The following EPHA6 variants were observed in gnomAD, a reference collection of about 807,000 sequenced individuals.
EPHA6 encodes the protein EPH receptor A6, also known as ephrin type-A receptor 6.
Under a neutral mutation model 112.0 loss-of-function variants are expected in EPHA6, and 50 were observed. The observed-to-expected ratio is 0.45, with a 90% CI of 0.36 to 0.56. EPHA6 has a LOEUF of 0.56. Ranked by LOEUF, EPHA6 falls within the 20% of genes least tolerant of loss-of-function variation. The pLI is 0.00. For missense variants in EPHA6, 1,280 were observed against 1,417.4 expected, an observed-to-expected ratio of 0.90 and a Z score of 1.56; for synonymous variants, 529 against 490.7, an observed-to-expected ratio of 1.08 and a Z score of -1.03.
intron 11 of EPHA6, among the ~76,000 whole-genome samples, chr3:97,591,990 T>TA (rs1414593653): frequency 5.9e-5 from 9 of 152,242 alleles, no homozygotes; most frequent in African/African-American, 2.2e-4. Flanking sequence ...CCAAGCCACT[T>TA]ACTTTTTCTT....
intron 3 of EPHA6, among the ~76,000 whole-genome samples, chr3:97,191,377 T>C (rs1371060133): frequency 6.6e-6 from 1 of 152,060 alleles, no homozygotes; most frequent in Non-Finnish European, 1.5e-5. Context: ...TTATTGACCA[T>C]AATGACCCTG....
intron 3 of EPHA6, among the ~76,000 whole-genome samples, chr3:97,097,411 T>C (rs1298353983): frequency 6.6e-6 from 1 of 151,788 alleles, no homozygotes; most frequent in African/African-American, 2.4e-5. Flanking sequence ...ATATACTACC[T>C]TGTAAACAAA....
rs369190751 is a variant in EPHA6 at position 97,137,963 on chromosome 3, A to G, written c.1115-88301A>G. ...CCCTCTTCCACAGAAAGGAACCAAA[A>G]TATCACATAAATCTACACAATCAAA... On this transcript the variant is annotated intron_variant, in intron 3 of 17. Transcript: ENST00000389672. Among the ~76,000 whole-genome samples the G allele has an allele frequency of 5.9e-4, 90 of 152,168 alleles. 1 individual carries two copies. In the South Asian group the frequency reaches 0.018, roughly 31 times the overall value.
At chr3:97,170,517 A>T (rs2076669291) in intron 3 of EPHA6, among the ~76,000 whole-genome samples, 1 of 152,216 alleles carries the variant, frequency 6.6e-6, no homozygotes, top group Non-Finnish European at 1.5e-5. Flanking sequence ...TGGACAGACC[A>T]CCTGAGGTCA....
At chr3:97,179,861 G>C (rs1393433773) in intron 3 of EPHA6, among the ~76,000 whole-genome samples, 3 of 151,506 alleles carry the variant, frequency 2.0e-5, no homozygotes, top group Non-Finnish European at 4.4e-5. Flanking sequence ...ACAGCACTAG[G>C]TCTCACACAA....
chr3:97,281,928 T>C (rs2080300013), intron 5 of EPHA6, among the ~76,000 whole-genome samples: 1 of 152,160 alleles, frequency 6.6e-6, no homozygotes, highest in Admixed American at 6.5e-5. Flanking sequence ...AATCAGAAAA[T>C]GTTAGAAAAT....
At chr3:97,513,640 G>A (rs774060541) in intron 10 of EPHA6, among the ~76,000 whole-genome samples, 45 of 150,670 alleles carry the variant, frequency 3.0e-4, no homozygotes, top group African/African-American at 1.0e-3. Context: ...CTTAGAAATA[G>A]AGCATAGAAT....
At chr3:97,748,063 A>G (rs1301459000) in intron 17 of EPHA6, among the ~76,000 whole-genome samples, 1 of 152,122 alleles carries the variant, frequency 6.6e-6, no homozygotes, top group Non-Finnish European at 1.5e-5. Context: ...GTTAGTTTGA[A>G]TCATATTAAA....
intron 3 of EPHA6, among the ~76,000 whole-genome samples, chr3:97,222,707 G>T (rs1333629063): frequency 6.6e-6 from 1 of 152,138 alleles, no homozygotes; most frequent in Non-Finnish European, 1.5e-5. Context: ...AAGTAGATAT[G>T]CATAATCTTC....
intron 2 of EPHA6, among the ~76,000 whole-genome samples, chr3:96,977,479 G>T (rs935882338): frequency 8.5e-5 from 13 of 152,086 alleles, no homozygotes; most frequent in African/African-American, 2.7e-4. Context: ...CAATATATTA[G>T]TGTAATAAAA....
At chr3:97,717,095 G>C (rs1162039628) in intron 14 of EPHA6, among the ~76,000 whole-genome samples, 1 of 151,906 alleles carries the variant, frequency 6.6e-6, no homozygotes, top group East Asian at 1.9e-4. Context: ...GCTGGGCGTG[G>C]TGGCAGGTGA....
intron 10 of EPHA6, among the ~76,000 whole-genome samples, chr3:97,529,158 C>T (rs1238057524): frequency 1.3e-5 from 2 of 152,076 alleles, no homozygotes; most frequent in Admixed American, 6.6e-5. Flanking sequence ...TGATAAACAG[C>T]TCAGACAGCA....
intron 3 of EPHA6, among the ~76,000 whole-genome samples, chr3:97,041,400 G>A (rs1231186369): frequency 6.6e-6 from 1 of 152,054 alleles, no homozygotes; most frequent in African/African-American, 2.4e-5. Context: ...ATTCCTGGAA[G>A]CACTGACTGC....
chr3:97,393,418 G>A (rs778988806), intron 5 of EPHA6, among the ~76,000 whole-genome samples: 4 of 151,832 alleles, frequency 2.6e-5, no homozygotes, highest in Admixed American at 6.6e-5. Flanking sequence ...CAGTGAGCAC[G>A]TTAAATCACA....
intron 2 of EPHA6, among the ~76,000 whole-genome samples, chr3:96,880,308 AC>A (rs1470475275): frequency 6.6e-6 from 1 of 151,924 alleles, no homozygotes; most frequent in African/African-American, 2.4e-5. Flanking sequence ...TAATTAAAAA[AC>A]CCACAAATAC....
chr3:97,691,301 T>G (rs1264362587), intron 14 of EPHA6, among the ~76,000 whole-genome samples: 1 of 152,246 alleles, frequency 6.6e-6, no homozygotes, highest in African/African-American at 2.4e-5. Context: ...TTGACTTGTA[T>G]GACTTTTCTT....
At chr3:97,355,750 A>T (rs980412445) in intron 5 of EPHA6, among the ~76,000 whole-genome samples, 5 of 152,194 alleles carry the variant, frequency 3.3e-5, no homozygotes, top group Non-Finnish European at 5.9e-5. Context: ...GAATGAATGG[A>T]TTAAAAATAA....
chr3:97,575,924 T>G (rs760187318), intron 11 of EPHA6, among the ~76,000 whole-genome samples: 10 of 152,112 alleles, frequency 6.6e-5, no homozygotes, highest in Non-Finnish European at 1.5e-4. Flanking sequence ...AGGTTTTCAC[T>G]ACATAGAAAC....
chr3:97,210,999 C>T, intron 3 of EPHA6, among the ~76,000 whole-genome samples: 1 of 152,162 alleles, frequency 6.6e-6, no homozygotes, highest in Admixed American at 6.5e-5. Context: ...TGGTCTTCCT[C>T]CTGCCACATG....
Sources: gnomAD v4.1 joint callset for allele counts (sites outside exome capture counted in the v4.1 genomes callset) on GRCh38, gnomAD v4.1.1 for gene constraint, MANE v1.5 for transcripts, NCBI Gene and HGNC (gene_info 2026-07-23, HGNC 2026-07-21) for gene names.